The following KMT5B variants were observed in gnomAD, a reference collection of about 807,000 sequenced individuals.
KMT5B encodes the protein histone-lysine N-methyltransferase KMT5B.
KMT5B carries 10 observed loss-of-function variants against 83.2 expected under a neutral mutation model. That is an observed-to-expected ratio of 0.12 (90% CI 0.07 to 0.20). KMT5B has a LOEUF of 0.20. Ranked by LOEUF, KMT5B falls within the 10% of genes least tolerant of loss-of-function variation. The probability of loss-of-function intolerance (pLI) is 1.00; values close to 1 mark genes in which losing one functional copy is unlikely to be tolerated. For missense variants in KMT5B, 753 were observed against 1,067.2 expected (o/e 0.71, Z 4.10); for synonymous variants, 349 against 388.8 (o/e 0.90, Z 1.20).
rs1855391721 is a variant in KMT5B at position 68,167,197 on chromosome 11, C to A, written c.978-19G>T. ...GCCCCGTCTGAAAGAGAAAATAGCA[C>A]AGGTTAAACAAATAGAACACACTTT... On this transcript the variant is annotated intron_variant, in intron 9 of 10. Coordinates refer to ENST00000304363, the MANE Select transcript of KMT5B (RefSeq NM_017635.5). 6.3e-7 allele frequency: 1 copy of A among 1,585,350 alleles called. No homozygotes were observed. Among genetic ancestry groups the A allele is most frequent in the Non-Finnish European group, 8.6e-7 (1 of 1,164,142 alleles).
At chr11:68,203,225 C>T (rs1859676312) in intron 1 of KMT5B, among the ~76,000 whole-genome samples, 1 of 152,166 alleles carries the variant, frequency 6.6e-6, no homozygotes, top group South Asian at 2.1e-4. Context: ...CTGCCTGCCT[C>T]GGCCTCCCAA....
chr11:68,210,297 TTAAC>T (rs1485156502), intron 1 of KMT5B, among the ~76,000 whole-genome samples: 3 of 152,068 alleles, frequency 2.0e-5, no homozygotes, highest in South Asian at 2.1e-4. Context: ...ACCCAACTGA[TTAAC>T]TATCTCATAA....
In KMT5B at chr11:68,169,278, G is replaced by A. The variant is rs567590048; in HGVS notation, c.977+1737C>T. Among the ~76,000 whole-genome samples, 6 of 152,334 alleles carry A rather than the reference G, an allele frequency of 3.9e-5. No individual in the cohort carries two copies. In the East Asian group the frequency reaches 9.6e-4, roughly 24 times the overall value. On this transcript the variant is annotated intron_variant, in intron 9 of 10. Transcript: ENST00000304363. The stretch of plus-strand genomic sequence containing the variant: ...CCTGCAGTTCTAAACCAGGGAAAGA[G>A]CTGTTTCGGTGTTGGTTTGGAATCC...
intron 1 of KMT5B, among the ~76,000 whole-genome samples, chr11:68,206,268 C>A (rs1366790967): frequency 2.6e-5 from 4 of 152,216 alleles, no homozygotes; most frequent in Admixed American, 2.6e-4. Context: ...TTACTGTTTT[C>A]TCTAGGACTC....
At chr11:68,174,131 G>A (rs766559199) in intron 5 of KMT5B, 1 of 609,052 alleles carries the variant, frequency 1.6e-6, no homozygotes, top group South Asian at 1.5e-5. Flanking sequence ...AGAATCACTT[G>A]AGCCCAAGAG....
At chr11:68,213,448 C>A (rs1215894729), upstream of KMT5B, 2 of 146,604 alleles carry the variant, frequency 1.4e-5, no homozygotes, top group East Asian at 2.0e-4. Flanking sequence ...CCGGCGCCCG[C>A]CCCCGCGCCC....
At chr11:68,185,090 C>G (rs979431009) in intron 3 of KMT5B, among the ~76,000 whole-genome samples, 2 of 152,012 alleles carry the variant, frequency 1.3e-5, no homozygotes, top group Non-Finnish European at 2.9e-5. Flanking sequence ...AGAGAAAAGT[C>G]TATAATAAAA....
chr11:68,178,799 T>C (rs1396142871), intron 4 of KMT5B, among the ~76,000 whole-genome samples: 1 of 152,154 alleles, frequency 6.6e-6, no homozygotes, highest in Non-Finnish European at 1.5e-5. Flanking sequence ...CTGAAAACCT[T>C]AGGGAAATTT....
At chr11:68,159,203 C>T (rs768460721) in intron 10 of KMT5B, 32 bp from the exon 11 acceptor site, 4 of 1,522,766 alleles carry the variant, frequency 2.6e-6, no homozygotes, top group Non-Finnish European at 3.5e-6. Flanking sequence ...GGTGAAAAGC[C>T]TTGGTAACAG....
rs1246235399 is a variant in KMT5B at position 68,173,704 on chromosome 11, C to CT, written c.653+99dup. Reference sequence around the variant, plus strand: ...GATGCATTGGCTACTTCAGGGTAAACTCTGGCTTCATTCCTTACCATGAAT... The same window carrying CT: ...GATGCATTGGCTACTTCAGGGTAAACTTCTGGCTTCATTCCTTACCATGAAT... On this transcript the variant is annotated intron_variant, in intron 6 of 10. Transcript: ENST00000304363. 3.7e-6 allele frequency: 3 copies of CT among 814,266 alleles called. No homozygotes were observed. The Admixed American group carries it at 8.3e-5, about 23-fold the overall frequency. 50.4% of individuals were successfully genotyped at this position (814,266 alleles called of 1,614,324 possible).
At chr11:68,187,065 C>G (rs1053434036) in intron 2 of KMT5B, among the ~76,000 whole-genome samples, 3 of 151,928 alleles carry the variant, frequency 2.0e-5, no homozygotes, top group African/African-American at 7.3e-5. Context: ...GGCATGATCA[C>G]AGCTCACCGC....
At chr11:68,202,057 A>G (rs1301316034) in intron 1 of KMT5B, among the ~76,000 whole-genome samples, 3 of 152,116 alleles carry the variant, frequency 2.0e-5, no homozygotes, top group Non-Finnish European at 2.9e-5. Context: ...ATAGAGCAAG[A>G]CTCTGTCTCA....
chr11:68,175,359 C>T (rs1203879964), intron 4 of KMT5B, among the ~76,000 whole-genome samples, 176 bp from the exon 5 acceptor site: 1 of 152,244 alleles, frequency 6.6e-6, no homozygotes, highest in Non-Finnish European at 1.5e-5. Flanking sequence ...TCAAGTAATA[C>T]TGATCACCTG....
intron 10 of KMT5B, among the ~76,000 whole-genome samples, chr11:68,161,731 C>A (rs756818720): frequency 2.0e-5 from 3 of 152,154 alleles, no homozygotes; most frequent in Non-Finnish European, 4.4e-5. Flanking sequence ...TCTCCTGGTT[C>A]CCTTCTCCAT....
chr11:68,211,266 A>G (rs1431379367), intron 1 of KMT5B, among the ~76,000 whole-genome samples: 3 of 152,020 alleles, frequency 2.0e-5, no homozygotes, highest in Non-Finnish European at 2.9e-5. Context: ...CACCTTCCCC[A>G]CTACTGTCCC....
At chr11:68,186,413 G>A (rs1397780441) in intron 2 of KMT5B, among the ~76,000 whole-genome samples, 1 of 152,172 alleles carries the variant, frequency 6.6e-6, no homozygotes, top group Non-Finnish European at 1.5e-5. Context: ...CTTTAGGGCA[G>A]GTGAATGATT....
chr11:68,193,538 A>G (rs931301670), intron 1 of KMT5B, among the ~76,000 whole-genome samples: 1 of 152,084 alleles, frequency 6.6e-6, no homozygotes, highest in Non-Finnish European at 1.5e-5. Flanking sequence ...TCAATGCTAA[A>G]GACAACTTTA....
At chr11:68,189,228 C>T (rs938646449) in intron 2 of KMT5B, among the ~76,000 whole-genome samples, 2 of 152,214 alleles carry the variant, frequency 1.3e-5, no homozygotes, top group African/African-American at 4.8e-5. Flanking sequence ...TACGTTTGGA[C>T]ATATAGCTGC....
At chr11:68,205,297 G>A (rs1207491056) in intron 1 of KMT5B, among the ~76,000 whole-genome samples, 4 of 152,078 alleles carry the variant, frequency 2.6e-5, no homozygotes, top group Non-Finnish European at 5.9e-5. Flanking sequence ...CAGCCTGGGT[G>A]ACAGAGTGAG....
Sources: allele counts gnomAD v4.1 joint callset (sites outside exome capture counted in the v4.1 genomes callset), GRCh38; gene constraint gnomAD v4.1.1; transcripts MANE v1.5; gene names NCBI Gene and HGNC (gene_info 2026-07-23, HGNC 2026-07-21).